The following NEO1 variants were observed in gnomAD, a reference collection of about 807,000 sequenced individuals.
NEO1 encodes the protein neogenin 1, also known as neogenin.
NEO1 carries 63 observed loss-of-function variants against 159.7 expected under a neutral mutation model. The observed-to-expected ratio is 0.39, with a 90% CI of 0.32 to 0.49. The LOEUF (loss-of-function observed/expected upper bound fraction) is 0.49. Among genes scored for constraint, NEO1 ranks in the 20% least tolerant of loss-of-function variants. The probability of loss-of-function intolerance (pLI) is 0.85; values close to 1 mark genes in which losing one functional copy is unlikely to be tolerated. For synonymous variants in NEO1, 633 were observed against 662.0 expected (o/e 0.96, Z 0.67); for missense variants, 1,615 against 1,831.0 (o/e 0.88, Z 2.15).
chr15:73,067,138 T>G (rs2068262344), intron 1 of NEO1, among the ~76,000 whole-genome samples: 1 of 152,236 alleles, frequency 6.6e-6, no homozygotes, highest in African/African-American at 2.4e-5. Context: ...CCATTTGTAT[T>G]TCTTTGGAAA....
chr15:73,301,618 T>G, intron 28 of NEO1, 161 bp downstream of exon 28: 74 of 951,364 alleles, frequency 7.8e-5, no homozygotes, highest in Non-Finnish European at 1.0e-4. Context: ...TGAGCATCTC[T>G]TCTGAGCCGG....
At chr15:73,146,507 T>G (rs1564347) in intron 5 of NEO1, among the ~76,000 whole-genome samples, 108,653 of 152,088 alleles carry the variant, frequency 0.71, 39,863 homozygotes, top group African/African-American at 0.89. Flanking sequence ...ATTGGGGCCT[T>G]AATCATTTTG....
chr15:73,234,982 A>C (rs745432504), intron 7 of NEO1, among the ~76,000 whole-genome samples: 11 of 152,214 alleles, frequency 7.2e-5, no homozygotes, highest in Non-Finnish European at 1.5e-4. Context: ...TGCTGTAAGG[A>C]TTGAATGATC....
At chr15:73,113,837 A>T (rs2071140419) in intron 1 of NEO1, among the ~76,000 whole-genome samples, 1 of 151,914 alleles carries the variant, frequency 6.6e-6, no homozygotes, top group Non-Finnish European at 1.5e-5. Flanking sequence ...TGCATGTATT[A>T]TTTTTTCAAA....
intron 1 of NEO1, among the ~76,000 whole-genome samples, chr15:73,081,020 A>T (rs1357560257): frequency 6.6e-6 from 1 of 152,268 alleles, no homozygotes; most frequent in African/African-American, 2.4e-5. Context: ...AGTCAATTTC[A>T]TAATTAACTG....
chr15:73,154,823 C>T (rs1209093961), intron 5 of NEO1, among the ~76,000 whole-genome samples: 1 of 152,098 alleles, frequency 6.6e-6, no homozygotes, highest in Non-Finnish European at 1.5e-5. Context: ...TTAAGTGGAG[C>T]TCTTAATCCA....
intron 15 of NEO1, among the ~76,000 whole-genome samples, chr15:73,263,753 G>C (rs565879354): frequency 1.3e-5 from 2 of 152,094 alleles, no homozygotes; most frequent in Admixed American, 1.3e-4. Flanking sequence ...AATAAGCTGG[G>C]ATTTAAATAT....
intron 7 of NEO1, among the ~76,000 whole-genome samples, chr15:73,209,673 C>A (rs1422878786): frequency 4.6e-5 from 7 of 152,086 alleles, no homozygotes; most frequent in Non-Finnish European, 1.5e-5. Context: ...ATTAGCAATT[C>A]TGATTGACTC....
chr15:73,254,874 C>G, intron 13 of NEO1, 45 bp downstream of exon 13: 2 of 1,581,476 alleles, frequency 1.3e-6, no homozygotes, highest in Non-Finnish European at 1.7e-6. Flanking sequence ...GTGTCTTTCT[C>G]AGATATTGAA....
At chr15:73,100,407 T>A (rs1355314782) in intron 1 of NEO1, among the ~76,000 whole-genome samples, 1 of 151,916 alleles carries the variant, frequency 6.6e-6, no homozygotes, top group African/African-American at 2.4e-5. Flanking sequence ...TAATCTCTAC[T>A]CACTGCACCC....
intron 1 of NEO1, among the ~76,000 whole-genome samples, chr15:73,094,055 C>A (rs2069855900): frequency 6.6e-6 from 1 of 152,076 alleles, no homozygotes; most frequent in Admixed American, 6.6e-5. Flanking sequence ...GCCCTGGTTC[C>A]TTCTATAACT....
At chr15:73,061,341 C>T (rs1325143290) in intron 1 of NEO1, among the ~76,000 whole-genome samples, 3 of 152,234 alleles carry the variant, frequency 2.0e-5, no homozygotes, top group Non-Finnish European at 4.4e-5. Flanking sequence ...ATGGATATTG[C>T]CTACCCCTGG....
At chr15:73,174,377 G>C (rs1022056429) in intron 5 of NEO1, among the ~76,000 whole-genome samples, 4 of 152,110 alleles carry the variant, frequency 2.6e-5, no homozygotes, top group Admixed American at 1.3e-4. Context: ...CTGGGGTGCT[G>C]TGGGCTGGAC....
intron 5 of NEO1, among the ~76,000 whole-genome samples, chr15:73,151,935 A>G (rs1186510310): frequency 1.3e-5 from 2 of 152,210 alleles, no homozygotes; most frequent in East Asian, 3.8e-4. Flanking sequence ...TGGATTCTAA[A>G]TATTTTTGGC....
chr15:73,197,252 G>A (rs1305896862), intron 7 of NEO1, among the ~76,000 whole-genome samples: 1 of 152,046 alleles, frequency 6.6e-6, no homozygotes, highest in Non-Finnish European at 1.5e-5. Context: ...CCAGCTGCTG[G>A]GGAGGCTGAG....
intron 1 of NEO1, among the ~76,000 whole-genome samples, chr15:73,112,895 A>T (rs1441764895): frequency 6.6e-6 from 1 of 152,190 alleles, no homozygotes; most frequent in Non-Finnish European, 1.5e-5. Context: ...ACATGGTGTG[A>T]GTAGGCATCT....
intron 5 of NEO1, chr15:73,162,832 C>G (rs2034285826): frequency 5.6e-6 from 1 of 177,546 alleles, no homozygotes; most frequent in Admixed American, 5.7e-5. Context: ...TCATCATTAT[C>G]CACCTTAAGA....
chr15:73,128,166 A>G (rs1224066369), intron 4 of NEO1, among the ~76,000 whole-genome samples: 2 of 151,788 alleles, frequency 1.3e-5, no homozygotes, highest in Admixed American at 1.3e-4. Context: ...CTGTCTTCAC[A>G]TTTTGCTTCC....
At chr15:73,121,861 A>G (rs2071673522) in intron 2 of NEO1, among the ~76,000 whole-genome samples, 1 of 151,914 alleles carries the variant, frequency 6.6e-6, no homozygotes, top group African/African-American at 2.4e-5. Context: ...TTCTTTGGAC[A>G]GTTTTCTTAC....
Sources: allele counts gnomAD v4.1 joint callset (sites outside exome capture counted in the v4.1 genomes callset), GRCh38; gene constraint gnomAD v4.1.1; transcripts MANE v1.5; gene names NCBI Gene and HGNC (gene_info 2026-07-23, HGNC 2026-07-21).